The following ZNF804A variants were observed in gnomAD, a reference collection of about 807,000 sequenced individuals.
The protein encoded by ZNF804A is zinc finger protein 804A.
Under a neutral mutation model 16.5 loss-of-function variants are expected in ZNF804A, and 2 were observed. That is an observed-to-expected ratio of 0.12 (90% CI 0.05 to 0.38). The LOEUF is 0.38. Ranked by LOEUF, ZNF804A falls within the 10% of genes least tolerant of loss-of-function variation. The pLI, the probability that ZNF804A is intolerant of heterozygous loss-of-function variation, is 0.99. For missense variants in ZNF804A, 1,473 were observed against 1,390.7 expected (o/e 1.06, Z -0.94); for synonymous variants, 534 against 489.6 (o/e 1.09, Z -1.20).
intron 1 of ZNF804A, among the ~76,000 whole-genome samples, chr2:184,820,252 G>A (rs1558971544): frequency 6.6e-6 from 1 of 152,036 alleles, no homozygotes; most frequent in Non-Finnish European, 1.5e-5. Flanking sequence ...GGGATACAAG[G>A]TTGGTTCAAC....
At chr2:184,734,556 G>A (rs2105749324) in intron 1 of ZNF804A, among the ~76,000 whole-genome samples, 1 of 152,184 alleles carries the variant, frequency 6.6e-6, no homozygotes, top group African/African-American at 2.4e-5. Flanking sequence ...CTTATTTTAT[G>A]ATTTGTTGAA....
At chr2:184,731,208 G>A (rs1195867574) in intron 1 of ZNF804A, among the ~76,000 whole-genome samples, 1 of 116,216 alleles carries the variant, frequency 8.6e-6, no homozygotes, top group Admixed American at 1.3e-4. Context: ...CTGAGATCGT[G>A]CCACTGCACT....
intron 1 of ZNF804A, among the ~76,000 whole-genome samples, chr2:184,758,452 A>G (rs1693991249): frequency 6.6e-6 from 1 of 151,924 alleles, no homozygotes; most frequent in Admixed American, 6.6e-5. Flanking sequence ...TAGATACTAT[A>G]ATTAACTGAA....
intron 2 of ZNF804A, among the ~76,000 whole-genome samples, chr2:184,918,566 T>C (rs1277923552): frequency 6.6e-6 from 1 of 152,168 alleles, no homozygotes; most frequent in East Asian, 1.9e-4. Flanking sequence ...TGCCTGGTAT[T>C]GCCACCTGGC....
chr2:184,733,303 G>A (rs1167264124), intron 1 of ZNF804A, among the ~76,000 whole-genome samples: 1 of 152,050 alleles, frequency 6.6e-6, no homozygotes. Flanking sequence ...TTTTTCTTCT[G>A]TAACCTGTTG....
intron 2 of ZNF804A, among the ~76,000 whole-genome samples, chr2:184,906,306 T>G (rs1376179765): frequency 6.6e-6 from 1 of 152,120 alleles, no homozygotes; most frequent in East Asian, 1.9e-4. Context: ...TTCTTTGTTG[T>G]TTGTTTGTTT....
chr2:184,910,211 G>T (rs1051114440), intron 2 of ZNF804A, among the ~76,000 whole-genome samples: 1 of 151,834 alleles, frequency 6.6e-6, no homozygotes, highest in Non-Finnish European at 1.5e-5. Flanking sequence ...TCCCATTTGT[G>T]AGAACATGTG....
chr2:184,675,185 AAG>A (rs1692401722), intron 1 of ZNF804A, among the ~76,000 whole-genome samples: 1 of 151,868 alleles, frequency 6.6e-6, no homozygotes, highest in Admixed American at 6.6e-5. Context: ...TATTCACACA[AAG>A]AGACGTATGT....
chr2:184,686,603 C>T (rs1043091260), intron 1 of ZNF804A, among the ~76,000 whole-genome samples: 3 of 152,182 alleles, frequency 2.0e-5, no homozygotes, highest in African/African-American at 4.8e-5. Context: ...GTTTTAAGCT[C>T]TTTTGAAAAT....
intron 2 of ZNF804A, among the ~76,000 whole-genome samples, chr2:184,917,285 C>A (rs980780952): frequency 6.6e-6 from 1 of 152,064 alleles, no homozygotes. Context: ...TGCATACAAC[C>A]CAAAAGATAC....
At chr2:184,733,957 G>A (rs1693566879) in intron 1 of ZNF804A, among the ~76,000 whole-genome samples, 1 of 151,730 alleles carries the variant, frequency 6.6e-6, no homozygotes, top group South Asian at 2.1e-4. Flanking sequence ...ATCTTTTAAA[G>A]AACCAGCTTT....
At chr2:184,742,714 T>C (rs1254216217) in intron 1 of ZNF804A, among the ~76,000 whole-genome samples, 1 of 147,322 alleles carries the variant, frequency 6.8e-6, no homozygotes, top group Non-Finnish European at 1.5e-5. Context: ...TGAAAAAATA[T>C]AGAAAATAGA....
At chr2:184,811,392 T>G (rs982048028) in intron 1 of ZNF804A, among the ~76,000 whole-genome samples, 4 of 152,232 alleles carry the variant, frequency 2.6e-5, no homozygotes, top group African/African-American at 9.6e-5. Context: ...GATGATAACC[T>G]ATTGTCAATT....
chr2:184,638,826 C>T (rs951196425), intron 1 of ZNF804A, among the ~76,000 whole-genome samples: 4 of 152,118 alleles, frequency 2.6e-5, no homozygotes, highest in Non-Finnish European at 2.9e-5. Flanking sequence ...ATACACCATT[C>T]GTATTTCCAA....
intron 2 of ZNF804A, among the ~76,000 whole-genome samples, chr2:184,906,457 G>C (rs939937561): frequency 3.3e-5 from 5 of 151,886 alleles, no homozygotes; most frequent in African/African-American, 1.2e-4. Context: ...ACACAAACAG[G>C]CCTATCTAAT....
chr2:184,903,365 T>C (rs958242905), intron 2 of ZNF804A, among the ~76,000 whole-genome samples: 1 of 152,136 alleles, frequency 6.6e-6, no homozygotes, highest in Non-Finnish European at 1.5e-5. Flanking sequence ...TTAAGTATGT[T>C]TAAATACACG....
chr2:184,662,867 G>A (rs960136133), intron 1 of ZNF804A, among the ~76,000 whole-genome samples: 1 of 152,148 alleles, frequency 6.6e-6, no homozygotes, highest in Non-Finnish European at 1.5e-5. Flanking sequence ...TTTGAACCAT[G>A]CATTATCTTT....
chr2:184,623,949 C>T (rs72897742), intron 1 of ZNF804A, among the ~76,000 whole-genome samples: 16,644 of 152,150 alleles, frequency 0.11, 1,178 homozygotes, highest in Non-Finnish European at 0.16. Flanking sequence ...ATTCAAGATA[C>T]TTCTGGAATA....
rs186851497 is a variant in ZNF804A at position 184,628,958 on chromosome 2, G to A, written c.111+29888G>A. ...GCTTAATTAGTGCATGAAAATTGGA[G>A]TCTTGTTAGGATTATAATTTTTCCT... On this transcript the variant is annotated intron_variant, in intron 1 of 3. Coordinates refer to ENST00000302277, the MANE Select transcript of ZNF804A (RefSeq NM_194250.2). Among the ~76,000 whole-genome samples the A allele has an allele frequency of 4.0e-3, 610 of 152,216 alleles. 5 individuals are homozygous for A. Among genetic ancestry groups the A allele is most frequent in the South Asian group, 0.033 (160 of 4,826 alleles).
Sources: gnomAD v4.1 joint callset for allele counts (sites outside exome capture counted in the v4.1 genomes callset) on GRCh38, gnomAD v4.1.1 for gene constraint, MANE v1.5 for transcripts, NCBI Gene and HGNC (gene_info 2026-07-23, HGNC 2026-07-21) for gene names.